Variants in CTNNBIP1 observed in about 807,000 individuals in gnomAD.
CTNNBIP1 encodes the protein beta-catenin-interacting protein 1.
A neutral mutation model predicts 11.8 loss-of-function variants in CTNNBIP1; 7 were observed. The ratio of observed to expected loss-of-function variants is 0.60; its 90% confidence interval spans 0.34 to 1.12. The LOEUF (loss-of-function observed/expected upper bound fraction) is 1.12, where lower values mean the gene tolerates loss of function less well. CTNNBIP1 is among the 50% of genes most tolerant of loss of function. The pLI is 0.03. For missense variants in CTNNBIP1, 101 were observed against 113.4 expected (o/e 0.89, Z 0.50); for synonymous variants, 58 against 43.9 (o/e 1.32, Z -1.26).
intron 1 of CTNNBIP1, among the ~76,000 whole-genome samples, chr1:9,886,599 G>C (rs1410773506): frequency 6.6e-6 from 1 of 152,204 alleles, no homozygotes; most frequent in African/African-American, 2.4e-5. Context: ...GGTGCACAGA[G>C]GTGACATAAC....
At chr1:9,885,846 C>G (rs1639178016) in intron 1 of CTNNBIP1, among the ~76,000 whole-genome samples, 1 of 151,044 alleles carries the variant, frequency 6.6e-6, no homozygotes, top group Non-Finnish European at 1.5e-5. Flanking sequence ...GCAGGAGAAT[C>G]GCTTGAATCT....
chr1:9,874,993 TTC>T (rs1638935142), intron 3 of CTNNBIP1, among the ~76,000 whole-genome samples: 1 of 152,168 alleles, frequency 6.6e-6, no homozygotes, highest in African/African-American at 2.4e-5. Flanking sequence ...AGGGCTAGTT[TTC>T]ATTTGCTCTC....
chr1:9,900,324 G>T (rs1200866744), intron 1 of CTNNBIP1, among the ~76,000 whole-genome samples: 1 of 152,030 alleles, frequency 6.6e-6, no homozygotes, highest in Non-Finnish European at 1.5e-5. Flanking sequence ...GAGCCTGGGA[G>T]GTTGAGGCTG....
chr1:9,904,505 G>T (rs549989836), intron 1 of CTNNBIP1, among the ~76,000 whole-genome samples: 1 of 152,220 alleles, frequency 6.6e-6, no homozygotes, highest in East Asian at 1.9e-4. Flanking sequence ...ATGCTTTCTA[G>T]ATACCACTGT....
In CTNNBIP1 at chr1:9,850,017, G is replaced by C. The variant is rs1200124140; in HGVS notation, c.*701C>G. On this transcript the variant is annotated 3_prime_UTR_variant, in exon 6 of 6. Transcript: ENST00000377263. ...CCTCAGGCCCAGAGCCGGCAGCAGA[G>C]GGGGGTGAATCCATGGCAACAGGAG... The C allele has an allele frequency of 6.6e-6, 1 of 152,618 alleles. No homozygotes were observed. The highest frequency in any genetic ancestry group is 1.5e-5 in the Non-Finnish European group (1 of 68,094). The allele number at this position is 152,618 out of a possible 1,614,324, so 9.5% of individuals were successfully genotyped here. A position where few individuals can be genotyped will look rare whatever the true frequency, so the allele number is the denominator to read the frequency against.
intron 5 of CTNNBIP1, among the ~76,000 whole-genome samples, chr1:9,856,420 C>T (rs778729738): frequency 2.6e-5 from 4 of 151,362 alleles, no homozygotes; most frequent in Non-Finnish European, 4.4e-5. Flanking sequence ...AAGACACCAT[C>T]GAGAATGTGA....
At chr1:9,865,477 G>C (rs1007221441) in intron 5 of CTNNBIP1, among the ~76,000 whole-genome samples, 10 of 151,722 alleles carry the variant, frequency 6.6e-5, no homozygotes, top group African/African-American at 2.4e-4. Context: ...GGTGGCGGGC[G>C]CCTGTAGTCC....
chr1:9,884,220 C>T (rs1207072553), intron 1 of CTNNBIP1, among the ~76,000 whole-genome samples: 1 of 152,052 alleles, frequency 6.6e-6, no homozygotes, highest in Admixed American at 6.5e-5. Context: ...ACTGGATGCC[C>T]TTTCCTGGGA....
chr1:9,861,175 A>G (rs1357056667), intron 5 of CTNNBIP1, among the ~76,000 whole-genome samples: 1 of 152,192 alleles, frequency 6.6e-6, no homozygotes, highest in Non-Finnish European at 1.5e-5. Context: ...GAGCTCATTA[A>G]TCTTGCTATT....
chr1:9,890,542 T>A (rs956356428), intron 1 of CTNNBIP1, among the ~76,000 whole-genome samples: 1 of 152,226 alleles, frequency 6.6e-6, no homozygotes, highest in South Asian at 2.1e-4. Flanking sequence ...CGGATCTTCC[T>A]TTAATTCAGT....
chr1:9,900,085 A>AT (rs1158201137), intron 1 of CTNNBIP1, among the ~76,000 whole-genome samples: 1 of 151,014 alleles, frequency 6.6e-6, no homozygotes, highest in Non-Finnish European at 1.5e-5. Context: ...AAAAAAAAAA[A>AT]CAATCAATAG....
At chr1:9,876,388 G>A (rs1030418695) in intron 3 of CTNNBIP1, among the ~76,000 whole-genome samples, 23 of 152,092 alleles carry the variant, frequency 1.5e-4, no homozygotes, top group African/African-American at 4.8e-4. Context: ...AGGCCGAGGC[G>A]GGCAGATCAC....
At chr1:9,864,135 G>C (rs1638691790) in intron 5 of CTNNBIP1, among the ~76,000 whole-genome samples, 1 of 151,232 alleles carries the variant, frequency 6.6e-6, no homozygotes, top group South Asian at 2.1e-4. Flanking sequence ...CTTGGAGAAA[G>C]AGTGTGATCA....
At position 9,850,641 on chromosome 1, in the gene CTNNBIP1, T is replaced by C; in HGVS notation, c.*77A>G. On this transcript the variant is annotated 3_prime_UTR_variant, in exon 6 of 6. Transcript: ENST00000377263. ...GGGGAGGTGGGGCAAGGGGGGCTGC[T>C]GCCACTCAGCCGGCCCAGGAGCCAC... 7.2e-7 allele frequency: 1 copy of C among 1,381,408 alleles called. No homozygotes were observed. The highest frequency in any genetic ancestry group is 1.7e-5 in the Admixed American group (1 of 59,664). 85.6% of individuals were successfully genotyped at this position (1,381,408 alleles called of 1,614,324 possible). A position where few individuals can be genotyped will look rare whatever the true frequency, so the allele number is the denominator to read the frequency against.
chr1:9,906,053 T>C (rs965642557), intron 1 of CTNNBIP1, among the ~76,000 whole-genome samples: 5 of 152,242 alleles, frequency 3.3e-5, no homozygotes, highest in Admixed American at 2.0e-4. Context: ...ATTTAGCATA[T>C]ACCAAGTGCT....
intron 1 of CTNNBIP1, among the ~76,000 whole-genome samples, chr1:9,891,803 T>G (rs1639306420): frequency 7.1e-6 from 1 of 141,086 alleles, no homozygotes; most frequent in South Asian, 2.4e-4. Context: ...TTTTTTTTTT[T>G]TTTTTTTGGA....
In CTNNBIP1 at chr1:9,883,172, A is replaced by C. The variant is rs1246336338; in HGVS notation, c.-110+533T>G. On this transcript the variant is annotated intron_variant, in intron 2 of 5. Coordinates refer to ENST00000377263, the MANE Select transcript of CTNNBIP1 (RefSeq NM_020248.3). The surrounding 1 kb of genome is among the most constrained non-coding windows in gnomAD (Gnocchi z 5.6). ...GAGCCTCTCTCTGGAAGGAAGTCCA[A>C]CCTGCCAAGCGGAGGGCATTGGGCC... Among the ~76,000 whole-genome samples, 1 of 152,140 alleles carries C rather than the reference A, an allele frequency of 6.6e-6. No individual in the cohort carries two copies. Among genetic ancestry groups the C allele is most frequent in the Non-Finnish European group, 1.5e-5 (1 of 68,000 alleles).
intron 5 of CTNNBIP1, among the ~76,000 whole-genome samples, chr1:9,863,367 G>C (rs1448406548): frequency 6.6e-6 from 1 of 152,192 alleles, no homozygotes; most frequent in South Asian, 2.1e-4. Context: ...TCATAGACTA[G>C]AATTCTCCCT....
chr1:9,901,935 G>A (rs1639530174), intron 1 of CTNNBIP1, among the ~76,000 whole-genome samples: 1 of 152,192 alleles, frequency 6.6e-6, no homozygotes, highest in Non-Finnish European at 1.5e-5. Flanking sequence ...CACTCCAAAT[G>A]TGAGTGGCTG....
Sources: allele counts gnomAD v4.1 joint callset (sites outside exome capture counted in the v4.1 genomes callset), GRCh38; gene constraint gnomAD v4.1.1; non-coding constraint Gnocchi (gnomAD v3.1); transcripts MANE v1.5; gene names NCBI Gene and HGNC (gene_info 2026-07-23, HGNC 2026-07-21).